The following PRLR variants were observed in gnomAD, a reference collection of about 807,000 sequenced individuals.
PRLR encodes the protein prolactin receptor, also known as hPRL receptor.
A neutral mutation model predicts 40.2 loss-of-function variants in PRLR; 13 were observed. The ratio of observed to expected loss-of-function variants is 0.32; its 90% CI spans 0.21 to 0.51. The LOEUF (loss-of-function observed/expected upper bound fraction) is 0.51. PRLR is among the 20% of genes least tolerant of loss of function. PRLR has a pLI of 0.97. For synonymous variants in PRLR, 269 were observed against 278.7 expected, an observed-to-expected ratio of 0.97 and a Z score of 0.35; for missense variants, 656 against 747.3, an observed-to-expected ratio of 0.88 and a Z score of 1.42.
At chr5:35,093,711 A>C (rs1448777366) in intron 2 of PRLR, among the ~76,000 whole-genome samples, 1 of 152,216 alleles carries the variant, frequency 6.6e-6, no homozygotes, top group East Asian at 1.9e-4. Flanking sequence ...GACATGCACA[A>C]ATTGTAAGTA....
intron 1 of PRLR, among the ~76,000 whole-genome samples, chr5:35,225,264 A>G (rs1422588113): frequency 6.6e-6 from 1 of 152,198 alleles, no homozygotes; most frequent in Non-Finnish European, 1.5e-5. Flanking sequence ...GAATATAATC[A>G]CTGAGTCTAT....
chr5:35,194,522 C>T (rs569642423), intron 1 of PRLR, among the ~76,000 whole-genome samples: 21 of 152,314 alleles, frequency 1.4e-4, no homozygotes, highest in South Asian at 4.1e-4. Flanking sequence ...TTCTATCTTG[C>T]TGGAAAGTCT....
chr5:35,051,904 G>A (rs1768509613), downstream of PRLR, among the ~76,000 whole-genome samples: 1 of 152,062 alleles, frequency 6.6e-6, no homozygotes, highest in South Asian at 2.1e-4. Context: ...ATCCAAATTA[G>A]CAATATCAGT....
At chr5:35,214,295 T>C (rs1470746496) in intron 1 of PRLR, among the ~76,000 whole-genome samples, 2 of 152,204 alleles carry the variant, frequency 1.3e-5, no homozygotes, top group Non-Finnish European at 2.9e-5. Context: ...CTTCAGATAG[T>C]ATTTGGCAAG....
exon 9 of PRLR, chr5:35,048,854 C>T: frequency 3.5e-6 from 1 of 284,526 alleles, no homozygotes; most frequent in Non-Finnish European, 7.1e-6. Context: ...CTTTACATGG[C>T]AGTGCCTAAG....
At chr5:35,224,024 G>A (rs1776488304) in intron 1 of PRLR, among the ~76,000 whole-genome samples, 1 of 152,174 alleles carries the variant, frequency 6.6e-6, no homozygotes. Context: ...TGTCGCAGGA[G>A]CTTGGTGATC....
intron 1 of PRLR, among the ~76,000 whole-genome samples, chr5:35,170,182 CTGCAATATAAGCAGCCG>C (rs1185396866): frequency 6.6e-6 from 1 of 152,162 alleles, no homozygotes; most frequent in Non-Finnish European, 1.5e-5. Context: ...ATGCTATGTG[CTGCAATATAAGCAGCCG>C]TGTGTACACT....
intron 1 of PRLR, among the ~76,000 whole-genome samples, chr5:35,205,151 A>G (rs188174644): frequency 1.3e-5 from 2 of 152,022 alleles, no homozygotes; most frequent in Admixed American, 6.6e-5. Flanking sequence ...AAATATATGT[A>G]ATATATATAT....
intron 5 of PRLR, 128 bp downstream of exon 5, chr5:35,084,342 A>G (rs1770709048): frequency 1.1e-5 from 10 of 902,150 alleles, no homozygotes; most frequent in Non-Finnish European, 1.7e-5. Context: ...GTTGACAAGC[A>G]TATCGTGAGT....
intron 1 of PRLR, among the ~76,000 whole-genome samples, chr5:35,156,115 A>T (rs1293606703): frequency 6.9e-6 from 1 of 145,960 alleles, no homozygotes; most frequent in Non-Finnish European, 1.5e-5. Context: ...CCATCTCTCC[A>T]GTTGCTCAAG....
Position 35,098,439 on chromosome 5 carries a change from C to T in PRLR, c.-43-8776G>A, listed in dbSNP as rs765725091. Among the ~76,000 whole-genome samples the T allele has an allele frequency of 2.0e-5, 3 of 152,148 alleles. No homozygotes were observed. The South Asian group carries it at 6.2e-4, about 32-fold the overall frequency. ...AAGTGAGCGGAGAGTAAATGTTGTT[C>T]TAAGCCACAGAGATGTCACGGTTGT... On this transcript the variant is annotated intron_variant, in intron 2 of 9. Transcript: ENST00000618457.
intron 1 of PRLR, among the ~76,000 whole-genome samples, chr5:35,179,387 A>G (rs1421612983): frequency 2.0e-5 from 3 of 152,132 alleles, no homozygotes; most frequent in African/African-American, 7.2e-5. Context: ...AGCTTCATCC[A>G]TGCTGTAATT....
chr5:35,087,044 A>G (rs892255277), intron 3 of PRLR, among the ~76,000 whole-genome samples: 2 of 151,712 alleles, frequency 1.3e-5, no homozygotes, highest in African/African-American at 2.4e-5. Context: ...CCCAGGCTGG[A>G]GTGCAGTGGT....
chr5:35,204,067 A>G (rs1775948662), intron 1 of PRLR, among the ~76,000 whole-genome samples: 1 of 152,136 alleles, frequency 6.6e-6, no homozygotes, highest in Non-Finnish European at 1.5e-5. Context: ...GTTTCTTAGA[A>G]ATATTGTTGT....
chr5:35,049,373 T>C (rs1768397206), exon 9 of PRLR: 2 of 703,060 alleles, frequency 2.8e-6, no homozygotes, highest in Non-Finnish European at 5.2e-6. Flanking sequence ...GATTTGAGAT[T>C]TTTGTAATGA....
chr5:35,052,762 G>T (rs1327258656), downstream of PRLR, among the ~76,000 whole-genome samples: 1 of 152,168 alleles, frequency 6.6e-6, no homozygotes, highest in Non-Finnish European at 1.5e-5. Context: ...AGGAAGGAAT[G>T]GTGAGAGGCA....
intron 1 of PRLR, among the ~76,000 whole-genome samples, chr5:35,177,378 C>T (rs187598807): frequency 1.1e-4 from 17 of 152,236 alleles, no homozygotes; most frequent in African/African-American, 3.1e-4. Context: ...TTGGTATATT[C>T]ACAAGGCTGT....
chr5:35,164,142 C>T (rs1774754409), intron 1 of PRLR, among the ~76,000 whole-genome samples: 1 of 152,320 alleles, frequency 6.6e-6, no homozygotes, highest in East Asian at 1.9e-4. Context: ...AAATAACTGT[C>T]CACGTCTCCT....
At chr5:35,178,231 C>G (rs73078839) in intron 1 of PRLR, among the ~76,000 whole-genome samples, 1,997 of 152,278 alleles carry the variant, frequency 0.013, 56 homozygotes, top group African/African-American at 0.046. Context: ...CAAACTAGGC[C>G]TTCAGGAAAG....
Sources: gnomAD v4.1 joint callset for allele counts (sites outside exome capture counted in the v4.1 genomes callset) on GRCh38, gnomAD v4.1.1 for gene constraint, MANE v1.5 for transcripts, NCBI Gene and HGNC (gene_info 2026-07-23, HGNC 2026-07-21) for gene names.